NAV2: variants seen among roughly 807,000 people sequenced by gnomAD.
NAV2 encodes the protein neuron navigator 2, also known as helicase, APC down-regulated 1.
A neutral mutation model predicts 223.2 loss-of-function variants in NAV2; 54 were observed. That is an observed-to-expected ratio of 0.24 (90% CI 0.19 to 0.30). The LOEUF (loss-of-function observed/expected upper bound fraction) is 0.30, where lower values mean the gene tolerates loss of function less well. NAV2 is among the 10% of genes least tolerant of loss of function. The pLI is 1.00. For synonymous variants in NAV2, 1,279 were observed against 1,239.3 expected, an observed-to-expected ratio of 1.03 and a Z score of -0.67; for missense variants, 2,806 against 3,147.5, an observed-to-expected ratio of 0.89 and a Z score of 2.60.
At chr11:19,863,158 C>A (rs1469327542) in intron 3 of NAV2, among the ~76,000 whole-genome samples, 1 of 152,188 alleles carries the variant, frequency 6.6e-6, no homozygotes, top group Non-Finnish European at 1.5e-5. Flanking sequence ...TGGGCTGCTA[C>A]TTCCATGGTA....
intron 3 of NAV2, among the ~76,000 whole-genome samples, chr11:19,852,534 A>G (rs2061201774): frequency 6.6e-6 from 1 of 152,242 alleles, no homozygotes; most frequent in Non-Finnish European, 1.5e-5. Context: ...CTCAGTAATT[A>G]GAAGTGAATA....
intron 1 of NAV2, among the ~76,000 whole-genome samples, chr11:19,376,227 A>C (rs1236480842): frequency 6.6e-6 from 1 of 152,202 alleles, no homozygotes; most frequent in African/African-American, 2.4e-5. Context: ...TTCTGGTTAT[A>C]TAATCTGGAT....
intron 1 of NAV2, among the ~76,000 whole-genome samples, chr11:19,489,263 C>T (rs1361099662): frequency 6.6e-6 from 1 of 152,198 alleles, no homozygotes; most frequent in Non-Finnish European, 1.5e-5. Context: ...AATTCAAACC[C>T]TGAGACCCAA....
intron 2 of NAV2, among the ~76,000 whole-genome samples, chr11:19,837,174 T>C (rs749558387): frequency 1.3e-5 from 2 of 152,122 alleles, no homozygotes; most frequent in Non-Finnish European, 2.9e-5. Context: ...TCAAAATCAA[T>C]TGAGGACAAC....
intron 1 of NAV2, among the ~76,000 whole-genome samples, chr11:19,800,236 G>A (rs529905621): frequency 1.3e-5 from 2 of 152,236 alleles, no homozygotes; most frequent in Non-Finnish European, 2.9e-5. Flanking sequence ...TTCTGTATAG[G>A]GAGAGTGGGG....
At chr11:19,963,777 G>A (rs2048535823) in intron 10 of NAV2, among the ~76,000 whole-genome samples, 1 of 152,182 alleles carries the variant, frequency 6.6e-6, no homozygotes, top group Non-Finnish European at 1.5e-5. Context: ...AAGTGAATGG[G>A]GGCAAAACTG....
chr11:19,731,706 T>C (rs1290908431), intron 1 of NAV2, among the ~76,000 whole-genome samples: 2 of 152,364 alleles, frequency 1.3e-5, no homozygotes, highest in African/African-American at 2.4e-5. Context: ...TATGTGGGCA[T>C]GGGCCGATCA....
chr11:19,812,795 C>T (rs1156560444), intron 1 of NAV2, among the ~76,000 whole-genome samples: 1 of 151,224 alleles, frequency 6.6e-6, no homozygotes, highest in Non-Finnish European at 1.5e-5. Context: ...TCTGGATTTG[C>T]TTAGTTTTTC....
intron 1 of NAV2, among the ~76,000 whole-genome samples, chr11:19,531,211 G>A (rs142716914): frequency 5.1e-4 from 78 of 152,274 alleles, no homozygotes; most frequent in Non-Finnish European, 7.4e-4. Context: ...CATTCTGGTA[G>A]GGGAAACAGA....
At chr11:19,382,505 T>C (rs939826314) in intron 1 of NAV2, among the ~76,000 whole-genome samples, 1 of 152,212 alleles carries the variant, frequency 6.6e-6, no homozygotes, top group Non-Finnish European at 1.5e-5. Flanking sequence ...AGCCCACTTA[T>C]AGGCTGTGCT....
At chr11:19,862,617 C>T (rs1350734252) in intron 3 of NAV2, among the ~76,000 whole-genome samples, 1 of 152,162 alleles carries the variant, frequency 6.6e-6, no homozygotes, top group Non-Finnish European at 1.5e-5. Context: ...ATGTGTTTCC[C>T]TCATTTCTGA....
rs202171718 is a variant in NAV2 at position 19,892,486 on chromosome 11, C to T, written c.823C>T (p.Arg275Cys). 6.5e-5 allele frequency: 105 copies of T among 1,614,006 alleles called. No homozygotes were observed. The highest frequency in any genetic ancestry group is 1.1e-4 in the South Asian group (10 of 91,062). ...CGCTGCAGGCAGCGAGGCCAAAACA[C>T]GCGGAGGGTCAACTACTGCTAACAA... is the stretch of plus-strand genomic sequence containing the variant. ...VSAAGSEAKT[R>C]GGSTTANNRR... Residue 275 changes from arginine to cysteine, a missense_variant, in exon 6 of 38, where the codon CGC (arginine) becomes TGC (cysteine). Transcript: ENST00000349880.
intron 1 of NAV2, among the ~76,000 whole-genome samples, chr11:19,687,524 T>C (rs1228796086): frequency 1.3e-5 from 2 of 152,188 alleles, no homozygotes; most frequent in Non-Finnish European, 2.9e-5. Context: ...CTAATCATTA[T>C]CTCCCAGGTC....
At chr11:19,792,803 G>C (rs2057615825) in intron 1 of NAV2, among the ~76,000 whole-genome samples, 1 of 152,060 alleles carries the variant, frequency 6.6e-6, no homozygotes, top group African/African-American at 2.4e-5. Flanking sequence ...TTTGTTCTGG[G>C]GGAGGTTTTA....
At chr11:19,764,631 C>T (rs994759220) in intron 1 of NAV2, among the ~76,000 whole-genome samples, 1 of 152,088 alleles carries the variant, frequency 6.6e-6, no homozygotes, top group African/African-American at 2.4e-5. Flanking sequence ...TAAGAGTAAG[C>T]CTTCAGTACA....
intron 1 of NAV2, among the ~76,000 whole-genome samples, chr11:19,377,984 A>C (rs777690714): frequency 6.6e-6 from 1 of 152,032 alleles, no homozygotes; most frequent in Non-Finnish European, 1.5e-5. Flanking sequence ...TAGATTAAGG[A>C]GGTGAGGCTG....
intron 1 of NAV2, among the ~76,000 whole-genome samples, chr11:19,564,183 C>T (rs2045190406): frequency 6.6e-6 from 1 of 152,030 alleles, no homozygotes; most frequent in African/African-American, 2.4e-5. Flanking sequence ...AGTGCAGTGA[C>T]AAGAGCCACC....
chr11:19,538,126 CT>C (rs1409644007), intron 1 of NAV2, among the ~76,000 whole-genome samples: 1 of 152,186 alleles, frequency 6.6e-6, no homozygotes, highest in Non-Finnish European at 1.5e-5. Flanking sequence ...CCAATAGACT[CT>C]CTTGGTTTGT....
rs71050696 is a variant in NAV2, at chr11:19,998,704, T to TC, written c.2768+14464dup. 2.4e-3 allele frequency among the ~76,000 whole-genome samples: 364 copies of TC among 151,914 alleles called. No homozygotes were observed. The highest frequency in any genetic ancestry group is 7.7e-3 in the African/African-American group (318 of 41,464). On this transcript the variant is annotated intron_variant, in intron 11 of 37. Transcript: ENST00000349880. This position sits in a 1 kb window ranked among gnomAD's most constrained non-coding sequence, Gnocchi z 5.0. ...CTGTCCCCTCTGCATAGACTGTGCTTCCCCCCCTCTCTCCTTTTCTCCTTA... is the reference window on the plus strand; with the variant it reads ...CTGTCCCCTCTGCATAGACTGTGCTTCCCCCCCCTCTCTCCTTTTCTCCTTA...
Sources: gnomAD v4.1 joint callset for allele counts (sites outside exome capture counted in the v4.1 genomes callset) on GRCh38, gnomAD v4.1.1 for gene constraint, Gnocchi (gnomAD v3.1) non-coding constraint, MANE v1.5 for transcripts, NCBI Gene and HGNC (gene_info 2026-07-23, HGNC 2026-07-21) for gene names.